The following PTTG1 variants were observed in gnomAD, a reference collection of about 807,000 sequenced individuals.
PTTG1 encodes the protein PTTG1 regulator of sister chromatid separation, securin, also known as securin.
In PTTG1, 8 loss-of-function variants were observed where a neutral mutation model predicts 20.0. That is an observed-to-expected ratio of 0.40 (90% CI 0.23 to 0.72). The LOEUF is 0.72. Among genes scored for constraint, PTTG1 ranks in the 30% least tolerant of loss-of-function variants. The pLI, the probability that PTTG1 is intolerant of heterozygous loss-of-function variation, is 0.38. For missense variants in PTTG1, 197 were observed against 236.0 expected (o/e 0.83, Z 1.08); for synonymous variants, 79 against 87.2 (o/e 0.91, Z 0.52).
intron 4 of PTTG1, among the ~76,000 whole-genome samples, chr5:160,426,739 A>C (rs1765815362): frequency 6.6e-6 from 1 of 150,384 alleles, no homozygotes; most frequent in Admixed American, 6.6e-5. Context: ...ACTGCAGATA[A>C]GTTTTCCAAA....
In PTTG1 at chr5:160,428,517, TTTGA is replaced by T. The variant is rs1053985607; in HGVS notation, c.530-80_530-77del. On this transcript the variant is annotated intron_variant, in intron 5 of 5. Transcript: ENST00000352433. The stretch of plus-strand genomic sequence containing the variant: ...TTTGACAAAGGGAAAAACATGAATT[TTTGA>T]TTGACAGCTAATGTCTATGTTGATA... 89 of 1,220,510 alleles carry T rather than the reference TTTGA, an allele frequency of 7.3e-5. No individual in the cohort carries two copies. In the African/African-American group the frequency reaches 1.2e-3, roughly 16 times the overall value. 75.6% of individuals were successfully genotyped at this position (1,220,510 alleles called of 1,614,324 possible). A position where few individuals can be genotyped will look rare whatever the true frequency, so the allele number is the denominator to read the frequency against.
intron 5 of PTTG1, 33 bp downstream of exon 5, chr5:160,427,906 C>T (rs1765840726): frequency 6.2e-7 from 1 of 1,613,210 alleles, no homozygotes; most frequent in African/African-American, 1.3e-5. Context: ...GGAAGGGCTG[C>T]AAACAATTTG....
chr5:160,428,481 C>A, intron 5 of PTTG1, 121 bp from the exon 6 acceptor site: 1 of 831,920 alleles, frequency 1.2e-6, no homozygotes, highest in Non-Finnish European at 2.0e-6. Context: ...GGAGGGGATG[C>A]AGGTGATTGA....
At chr5:160,423,931 T>A (rs1765763414) in intron 3 of PTTG1, among the ~76,000 whole-genome samples, 1 of 152,234 alleles carries the variant, frequency 6.6e-6, no homozygotes, top group South Asian at 2.1e-4. Flanking sequence ...TTAGCTACTA[T>A]CCTGGGTGAT....
At chr5:160,422,630 T>G in intron 2 of PTTG1, 79 bp from the exon 3 acceptor site, 1 of 1,543,520 alleles carries the variant, frequency 6.5e-7, no homozygotes, top group African/African-American at 1.4e-5. Flanking sequence ...GGGTGAGAGG[T>G]CAAGTTTATA....
At chr5:160,423,374 G>T (rs1002723220) in intron 3 of PTTG1, among the ~76,000 whole-genome samples, 9 of 152,236 alleles carry the variant, frequency 5.9e-5, no homozygotes, top group Admixed American at 3.9e-4. Context: ...TCGTGTGAGT[G>T]TGAGTCACAA....
intron 4 of PTTG1, among the ~76,000 whole-genome samples, chr5:160,425,624 GTTTTTC>G (rs1477844429): frequency 6.6e-6 from 1 of 152,120 alleles, no homozygotes; most frequent in Admixed American, 6.5e-5. Context: ...GCCACTTACA[GTTTTTC>G]TTTTTTTATT....
chr5:160,427,833 C>A lies in PTTG1; in HGVS notation c.489C>A (p.Pro163=). ...RELEKLFQLG[P]PSPVKMPSPP... ...TTGAAAAGCTGTTTCAGCTGGGCCCCCCTTCACCTGTGAAGATGCCCTCTC... is the reference window on the plus strand; with the variant it reads ...TTGAAAAGCTGTTTCAGCTGGGCCCACCTTCACCTGTGAAGATGCCCTCTC... The change falls in exon 5 of 6, where the codon CCC becomes CCA. Residue 163 remains proline (P), a synonymous_variant. Transcript: ENST00000352433. The A allele has an allele frequency of 6.2e-7, 1 of 1,614,168 alleles. No individual in the cohort carries two copies. The highest frequency in any genetic ancestry group is 1.1e-5 in the South Asian group (1 of 91,078).
At position 160,422,296 on chromosome 5, in the gene PTTG1, T is replaced by C. The variant is rs760278863; in HGVS notation, c.-11-6T>C. On this transcript the variant is annotated splice_region_variant and splice_polypyrimidine_tract_variant and intron_variant, in intron 1 of 5. Coordinates refer to ENST00000352433, the MANE Select transcript of PTTG1 (RefSeq NM_004219.4). ...CCAATATCTAATATGTATTTCTCATTCTTAGAATAATCCAGAATGGCTACT... is the reference window on the plus strand; with the variant it reads ...CCAATATCTAATATGTATTTCTCATCCTTAGAATAATCCAGAATGGCTACT... The C allele has an allele frequency of 4.2e-5, 67 of 1,603,148 alleles. No individual in the cohort carries two copies. The highest frequency in any genetic ancestry group is 5.1e-5 in the Non-Finnish European group (60 of 1,170,174).
intron 4 of PTTG1, among the ~76,000 whole-genome samples, chr5:160,426,945 G>T (rs898225376): frequency 6.6e-6 from 1 of 152,170 alleles, no homozygotes; most frequent in Non-Finnish European, 1.5e-5. Context: ...GGGAGACTGA[G>T]GCAGGAGAAT....
rs771456087 is a variant in PTTG1 at position 160,428,668 on chromosome 5, A to C, written c.596A>C (p.Asp199Ala). 1 of 1,613,258 alleles carries C rather than the reference A, an allele frequency of 6.2e-7. No individual in the cohort carries two copies. The highest frequency in any genetic ancestry group is 1.7e-5 in the Admixed American group (1 of 60,012). Reference protein sequence around the residue: ...LDVELPPVCCDIDI With the variant: ...LDVELPPVCCAIDI ...GTTGAATTGCCACCTGTTTGCTGTG[A>C]CATAGATATTTAAATTTCTTAGTGC... Residue 199 changes from aspartate (D) to alanine (A), a missense_variant, in exon 6 of 6, where the codon GAC becomes GCC. By Grantham distance (126) the Asp-to-Ala change is moderately radical. Coordinates refer to ENST00000352433, the MANE Select transcript of PTTG1 (RefSeq NM_004219.4).
rs1178969200 is a variant in PTTG1 at position 160,422,332 on chromosome 5, T to C, written c.20T>C (p.Val7Ala). MATLIY[V>A]DKENGEPGTR... ...TCCAGAATGGCTACTCTGATCTATG[T>C]TGATAAGGAAAATGGAGAACCAGGC... Residue 7 changes from valine to alanine, a missense_variant, in exon 2 of 6, where the codon GTT (valine) becomes GCT (alanine). Physicochemically the swap from Val to Ala is moderately conservative, Grantham distance 64. Coordinates refer to ENST00000352433, the MANE Select transcript of PTTG1 (RefSeq NM_004219.4). The C allele has an allele frequency of 1.5e-5, 25 of 1,613,774 alleles. No individual in the cohort carries two copies. The highest frequency in any genetic ancestry group is 2.1e-5 in the Non-Finnish European group (25 of 1,179,854).
intron 4 of PTTG1, among the ~76,000 whole-genome samples, chr5:160,425,232 GA>G (rs1364840132): frequency 6.6e-6 from 1 of 152,190 alleles, no homozygotes; most frequent in African/African-American, 2.4e-5. Flanking sequence ...TTCTTGAAAT[GA>G]TCTTGTTGTA....
At chr5:160,424,409 A>G in intron 4 of PTTG1, 79 bp downstream of exon 4, 1 of 1,052,096 alleles carries the variant, frequency 9.5e-7, no homozygotes. Context: ...CTTGTTATGA[A>G]TATAATATAT....
chr5:160,426,227 A>G (rs1276326965), intron 4 of PTTG1, among the ~76,000 whole-genome samples: 1 of 152,020 alleles, frequency 6.6e-6, no homozygotes, highest in Non-Finnish European at 1.5e-5. Context: ...TTTTTTTAAC[A>G]TAAAATATTT....
At chr5:160,425,161 T>C (rs560511475) in intron 4 of PTTG1, among the ~76,000 whole-genome samples, 1 of 152,372 alleles carries the variant, frequency 6.6e-6, no homozygotes, top group East Asian at 1.9e-4. Flanking sequence ...GTAGTTATTT[T>C]ACTAATTTGC....
At chr5:160,425,451 G>T (rs1321168828) in intron 4 of PTTG1, among the ~76,000 whole-genome samples, 1 of 152,168 alleles carries the variant, frequency 6.6e-6, no homozygotes, top group Non-Finnish European at 1.5e-5. Flanking sequence ...TTGCTAAGTG[G>T]CCCTTCAAAA....
chr5:160,426,872 G>A (rs766813849), intron 4 of PTTG1, among the ~76,000 whole-genome samples: 68 of 152,204 alleles, frequency 4.5e-4, no homozygotes, highest in Admixed American at 6.5e-4. Context: ...GTGAAACCCC[G>A]TCTGTACTAA....
chr5:160,424,207 A>C (rs748781423), intron 3 of PTTG1, 30 bp from the exon 4 acceptor site: 2 of 1,520,048 alleles, frequency 1.3e-6, no homozygotes, highest in South Asian at 1.2e-5. Context: ...TTCCACTGTC[A>C]CTAACCCATA....
Sources: gnomAD v4.1 joint callset for allele counts (sites outside exome capture counted in the v4.1 genomes callset) on GRCh38, gnomAD v4.1.1 for gene constraint, MANE v1.5 for transcripts, NCBI Gene and HGNC (gene_info 2026-07-23, HGNC 2026-07-21) for gene names.